The following FBXO47 variants were observed in gnomAD, a reference collection of about 807,000 sequenced individuals.
FBXO47 encodes F-box only protein 47.
A neutral mutation model predicts 53.9 loss-of-function variants in FBXO47; 34 were observed. The observed-to-expected ratio is 0.63, with a 90% CI of 0.48 to 0.84. The LOEUF is 0.84. Ranked by LOEUF, FBXO47 falls within the 40% of genes least tolerant of loss-of-function variation. The probability of loss-of-function intolerance (pLI) is 0.00; values close to 1 mark genes in which losing one functional copy is unlikely to be tolerated. For synonymous variants in FBXO47, 165 were observed against 181.6 expected (o/e 0.91, Z 0.73); for missense variants, 485 against 541.3 (o/e 0.90, Z 1.03).
Position 38,943,675 on chromosome 17 carries a change from C to G in FBXO47, c.855G>C (p.Leu285Phe), listed in dbSNP as rs773194794. 4.3e-6 allele frequency: 7 copies of G among 1,611,052 alleles called. No homozygotes were observed. The highest frequency in any genetic ancestry group is 5.9e-6 in the Non-Finnish European group (7 of 1,178,916). Residue 285 changes from leucine (L) to phenylalanine (F), a missense_variant, in exon 8 of 11, where the codon TTG becomes TTC. Physicochemically the swap from Leu to Phe is conservative, Grantham distance 22. Coordinates refer to ENST00000378079, the MANE Select transcript of FBXO47 (RefSeq NM_001008777.3). Reference sequence around the variant, plus strand: ...CATATAGTAACTTAATGGCATCAGCCAAACCTTTCAGACTGAATTCATCTG... The same window carrying G: ...CATATAGTAACTTAATGGCATCAGCGAAACCTTTCAGACTGAATTCATCTG... ...EPTDEFSLKG[L>F]ADAIKLLYDA...
At chr17:38,967,005 C>T (rs934911330) in intron 1 of FBXO47, among the ~76,000 whole-genome samples, 1 of 151,664 alleles carries the variant, frequency 6.6e-6, no homozygotes, top group African/African-American at 2.4e-5. Flanking sequence ...ATAAAAACTA[C>T]ATTCACAGGG....
intron 1 of FBXO47, 122 bp from the exon 2 acceptor site, chr17:38,963,173 C>A: frequency 3.3e-6 from 2 of 597,450 alleles, no homozygotes. Context: ...TCTGTATTTG[C>A]AAAAGATTTT....
intron 6 of FBXO47, among the ~76,000 whole-genome samples, chr17:38,945,614 T>C (rs1036547641): frequency 1.3e-5 from 2 of 151,744 alleles, no homozygotes; most frequent in African/African-American, 2.4e-5. Flanking sequence ...GCCTGGCCAA[T>C]ATGGCGAAAC....
At position 38,936,748 on chromosome 17, in the gene FBXO47, A is replaced by G. The variant is rs1013145456; in HGVS notation, c.*427T>C. The G allele has an allele frequency of 6.5e-6, 1 of 153,188 alleles. No individual in the cohort carries two copies. Among genetic ancestry groups the G allele is most frequent in the African/African-American group, 2.4e-5 (1 of 41,482 alleles). 9.5% of individuals were successfully genotyped at this position (153,188 alleles called of 1,614,324 possible). On this transcript the variant is annotated 3_prime_UTR_variant, in exon 11 of 11. Transcript: ENST00000378079. ...CACATTCCAAAACACCATATTGCAA[A>G]TCTTCACAAAACATTCTGGGCTATG...
chr17:38,944,700 CAAAAAA>C (rs869294898), intron 7 of FBXO47, among the ~76,000 whole-genome samples: 11 of 90,978 alleles, frequency 1.2e-4, no homozygotes, highest in Non-Finnish European at 2.2e-4. Context: ...GACTCCGTCT[CAAAAAA>C]AAAAAAAAAA....
At chr17:38,941,413 G>T (rs1029660061) in intron 9 of FBXO47, among the ~76,000 whole-genome samples, 2 of 150,454 alleles carry the variant, frequency 1.3e-5, no homozygotes, top group Non-Finnish European at 3.0e-5. Context: ...CAGGTGATCC[G>T]CCTGACTCAG....
chr17:38,957,303 A>G, intron 3 of FBXO47, 50 bp from the exon 4 acceptor site: 1 of 1,187,254 alleles, frequency 8.4e-7, no homozygotes, highest in Non-Finnish European at 1.3e-6. Context: ...ACAATTAAGA[A>G]CATCAATAGA....
rs567024181 is a variant in FBXO47 at position 38,944,428 on chromosome 17, C to T, written c.793+532G>A. Among the ~76,000 whole-genome samples, 5 of 151,668 alleles carry T rather than the reference C, an allele frequency of 3.3e-5. No homozygotes were observed. The East Asian group carries it at 5.8e-4, about 18-fold the overall frequency. ...CTAAAAATACAAAAAACTGGCCAGG[C>T]GCGGTGGCTCACATCTGTAATCCCA... On this transcript the variant is annotated intron_variant, in intron 7 of 10. Coordinates refer to ENST00000378079, the MANE Select transcript of FBXO47 (RefSeq NM_001008777.3).
At chr17:38,948,024 G>C (rs1015801269) in intron 6 of FBXO47, among the ~76,000 whole-genome samples, 1 of 151,996 alleles carries the variant, frequency 6.6e-6, no homozygotes, top group Non-Finnish European at 1.5e-5. Context: ...ACAATTCAGT[G>C]GTTTTTAGTA....
At chr17:38,952,903 A>G (rs2143939441) in intron 5 of FBXO47, among the ~76,000 whole-genome samples, 1 of 143,020 alleles carries the variant, frequency 7.0e-6, no homozygotes, top group Admixed American at 7.6e-5. Flanking sequence ...ATCGGCCTGC[A>G]TCAGCCTCCC....
chr17:38,946,943 A>G (rs1188935532), intron 6 of FBXO47, among the ~76,000 whole-genome samples: 1 of 118,840 alleles, frequency 8.4e-6, no homozygotes, highest in Non-Finnish European at 1.6e-5. Context: ...AATATATATA[A>G]ACATATATAA....
chr17:38,946,559 T>A (rs1334321302), intron 6 of FBXO47, among the ~76,000 whole-genome samples: 1 of 87,250 alleles, frequency 1.1e-5, no homozygotes, highest in South Asian at 4.4e-4. Context: ...TGAATATATA[T>A]AACTATATAA....
chr17:38,944,687 G>A (rs2143898068), intron 7 of FBXO47, among the ~76,000 whole-genome samples: 1 of 136,416 alleles, frequency 7.3e-6, no homozygotes, highest in Non-Finnish European at 1.6e-5. Flanking sequence ...GGGTGACAGA[G>A]CAGACTCCGT....
At chr17:38,962,156 C>T in intron 2 of FBXO47, 109 bp from the exon 3 acceptor site, 1 of 857,756 alleles carries the variant, frequency 1.2e-6, no homozygotes, top group Non-Finnish European at 1.8e-6. Context: ...TCATTATCAC[C>T]ATCATCATCC....
chr17:38,949,161 A>G (rs1905078328), intron 6 of FBXO47, among the ~76,000 whole-genome samples: 1 of 152,108 alleles, frequency 6.6e-6, no homozygotes, highest in Non-Finnish European at 1.5e-5. Context: ...TCATGCCTGT[A>G]ATTCCAGCAC....
chr17:38,960,477 T>C (rs1320653477), intron 3 of FBXO47, among the ~76,000 whole-genome samples: 1 of 152,100 alleles, frequency 6.6e-6, no homozygotes, highest in East Asian at 1.9e-4. Flanking sequence ...GAATTATACA[T>C]ATAATTGTCT....
At position 38,938,747 on chromosome 17, in the gene FBXO47, T is replaced by C. The variant is rs780272947; in HGVS notation, c.1084-15A>G. On this transcript the variant is annotated splice_polypyrimidine_tract_variant and intron_variant, in intron 9 of 10. Coordinates refer to ENST00000378079, the MANE Select transcript of FBXO47 (RefSeq NM_001008777.3). Reference sequence around the variant, plus strand: ...TTCTCACACACCTGATTTAGACATATAAAGCGCTATAAACCTTCATGTGAA... The same window carrying C: ...TTCTCACACACCTGATTTAGACATACAAAGCGCTATAAACCTTCATGTGAA... 6.4e-7 allele frequency: 1 copy of C among 1,558,960 alleles called. No individual in the cohort carries two copies. Among genetic ancestry groups the C allele is most frequent in the Non-Finnish European group, 8.8e-7 (1 of 1,140,046 alleles).
At chr17:38,946,883 A>AAT (rs1168603237) in intron 6 of FBXO47, among the ~76,000 whole-genome samples, 20 of 115,916 alleles carry the variant, frequency 1.7e-4, no homozygotes, top group Admixed American at 4.4e-4. Flanking sequence ...CATATATATA[A>AAT]ATATATATAT....
chr17:38,938,606 C>T lies in FBXO47; in HGVS notation c.1210G>A (p.Val404Ile). Residue 404 changes from valine to isoleucine, a missense_variant, in exon 10 of 11, where the codon GTT (valine) becomes ATT (isoleucine). Coordinates refer to ENST00000378079, the MANE Select transcript of FBXO47 (RefSeq NM_001008777.3). Reference sequence around the variant, plus strand: ...ATTGATTGCAGCATTTCCATTATAACACATGCAAATGCATTTGCCACATTC... The same window carrying T: ...ATTGATTGCAGCATTTCCATTATAATACATGCAAATGCATTTGCCACATTC... ...LQNVANAFAC[V>I]IMEMLQSIMS... 1 of 1,613,230 alleles carries T rather than the reference C, an allele frequency of 6.2e-7. No individual in the cohort carries two copies. Among genetic ancestry groups the T allele is most frequent in the Non-Finnish European group, 8.5e-7 (1 of 1,179,568 alleles).
Sources: gnomAD v4.1 joint callset for allele counts (sites outside exome capture counted in the v4.1 genomes callset) on GRCh38, gnomAD v4.1.1 for gene constraint, MANE v1.5 for transcripts, NCBI Gene and HGNC (gene_info 2026-07-23, HGNC 2026-07-21) for gene names.